The following MTX2 variants were observed in gnomAD, a reference collection of about 807,000 sequenced individuals.
MTX2 encodes metaxin-2.
In MTX2, 35 loss-of-function variants were observed where a neutral mutation model predicts 42.3. That is an observed-to-expected ratio of 0.83 (90% CI 0.63 to 1.10). MTX2 has a LOEUF of 1.10. Ranked by LOEUF, MTX2 falls within the 50% of genes least tolerant of loss-of-function variation. The pLI, the probability that MTX2 is intolerant of heterozygous loss-of-function variation, is 0.00. For synonymous variants in MTX2, 119 were observed against 100.9 expected, an observed-to-expected ratio of 1.18 and a Z score of -1.08; for missense variants, 307 against 304.1, an observed-to-expected ratio of 1.01 and a Z score of -0.07.
chr2:176,288,704 AT>A (rs1053161210), intron 1 of MTX2, among the ~76,000 whole-genome samples: 4 of 151,848 alleles, frequency 2.6e-5, no homozygotes, highest in African/African-American at 9.7e-5. Flanking sequence ...TGGATTGGAA[AT>A]ATGACAGAAC....
chr2:176,330,301 G>C (rs1684829176), intron 8 of MTX2, among the ~76,000 whole-genome samples: 1 of 149,342 alleles, frequency 6.7e-6, no homozygotes, highest in African/African-American at 2.4e-5. Flanking sequence ...GACATTCACT[G>C]AGAATTTCTT....
At chr2:176,308,325 C>G (rs1267177909) in intron 3 of MTX2, among the ~76,000 whole-genome samples, 1 of 152,026 alleles carries the variant, frequency 6.6e-6, no homozygotes, top group African/African-American at 2.4e-5. Flanking sequence ...TGAGGATTTT[C>G]GCATTGATGT....
At chr2:176,292,931 T>A (rs940923505) in intron 1 of MTX2, among the ~76,000 whole-genome samples, 1 of 152,214 alleles carries the variant, frequency 6.6e-6, no homozygotes, top group Non-Finnish European at 1.5e-5. Context: ...CATTGCTGTG[T>A]TGGTATGTGT....
At chr2:176,329,840 C>G (rs548772043) in intron 8 of MTX2, among the ~76,000 whole-genome samples, 1 of 148,436 alleles carries the variant, frequency 6.7e-6, no homozygotes, top group South Asian at 2.1e-4. Flanking sequence ...TCTGCAGCAT[C>G]AGGGCTTAAA....
At chr2:176,334,023 A>T (rs1177096077) in intron 9 of MTX2, among the ~76,000 whole-genome samples, 1 of 151,744 alleles carries the variant, frequency 6.6e-6, no homozygotes, top group Non-Finnish European at 1.5e-5. Flanking sequence ...GTTGAATTCT[A>T]CTTCTGTTGA....
intron 1 of MTX2, among the ~76,000 whole-genome samples, chr2:176,284,753 A>T (rs1575035257): frequency 6.6e-6 from 1 of 152,242 alleles, no homozygotes; most frequent in East Asian, 1.9e-4. Context: ...TAATCTACAC[A>T]CATCCTTACT....
chr2:176,323,518 G>C, intron 4 of MTX2, 54 bp downstream of exon 4: 1 of 1,486,292 alleles, frequency 6.7e-7, no homozygotes, highest in Non-Finnish European at 9.3e-7. Context: ...TAAAATTATA[G>C]TGATAGTCCA....
In MTX2 at chr2:176,269,759, C is replaced by A. The variant is rs1575026398; in HGVS notation, c.40+90C>A. 9 of 1,419,456 alleles carry A rather than the reference C, an allele frequency of 6.3e-6. No homozygotes were observed. In the East Asian group the frequency reaches 1.9e-4, roughly 30 times the overall value. The allele number at this position is 1,419,456 out of a possible 1,614,324, so 87.9% of individuals were successfully genotyped here. On this transcript the variant is annotated intron_variant, in intron 1 of 9. Transcript: ENST00000249442. ...GGGCTGGAGCTTTCCTCCAGCCTTG[C>A]GGCATTATACGCTGAACCCGGCCCG...
intron 3 of MTX2, among the ~76,000 whole-genome samples, chr2:176,305,971 T>C (rs147744427): frequency 7.3e-4 from 111 of 152,264 alleles, no homozygotes; most frequent in African/African-American, 2.4e-3. Flanking sequence ...TGTGCAGGTT[T>C]GATACATAGG....
chr2:176,275,705 A>G (rs1692930952), intron 1 of MTX2, among the ~76,000 whole-genome samples: 1 of 152,000 alleles, frequency 6.6e-6, no homozygotes, highest in Admixed American at 6.6e-5. Context: ...GGTTATGAAT[A>G]TATCATAGGG....
chr2:176,313,321 G>A (rs1684359146), intron 3 of MTX2, among the ~76,000 whole-genome samples: 1 of 151,218 alleles, frequency 6.6e-6, no homozygotes, highest in Non-Finnish European at 1.5e-5. Flanking sequence ...ACAGTTCCCA[G>A]GATTCTACCC....
chr2:176,296,939 G>T, intron 2 of MTX2, 32 bp downstream of exon 2: 1 of 1,583,162 alleles, frequency 6.3e-7, no homozygotes, highest in Non-Finnish European at 8.7e-7. Flanking sequence ...AAATGGCTTT[G>T]TATCAAACTA....
chr2:176,275,361 C>T (rs1011424762), intron 1 of MTX2, among the ~76,000 whole-genome samples: 1 of 151,886 alleles, frequency 6.6e-6, no homozygotes, highest in African/African-American at 2.4e-5. Context: ...GCCTCAGCCT[C>T]TTGAGTAGCT....
chr2:176,328,441 A>G (rs934659186), intron 6 of MTX2, 56 bp downstream of exon 6: 1 of 1,144,198 alleles, frequency 8.7e-7, no homozygotes, highest in African/African-American at 1.6e-5. Context: ...TTCTCATAAA[A>G]TATAATCTTT....
intron 1 of MTX2, among the ~76,000 whole-genome samples, chr2:176,288,300 T>TG (rs1381033917): frequency 5.9e-5 from 9 of 152,088 alleles, no homozygotes; most frequent in Admixed American, 5.2e-4. Context: ...CTTCATATAT[T>TG]GCCTAAAACT....
chr2:176,287,822 A>G lies in MTX2; in HGVS notation c.41-9038A>G, dbSNP rs557299731. On this transcript the variant is annotated intron_variant, in intron 1 of 9. Transcript: ENST00000249442. ...TTTCTATTTTAATTGAAGGTAGTCTATATCTTTGTATCTACACCTGCTTGC... is the reference window on the plus strand; with the variant it reads ...TTTCTATTTTAATTGAAGGTAGTCTGTATCTTTGTATCTACACCTGCTTGC... Among the ~76,000 whole-genome samples the G allele has an allele frequency of 2.2e-3, 334 of 149,870 alleles. 3 individuals are homozygous for G. The highest frequency in any genetic ancestry group is 7.9e-3 in the African/African-American group (324 of 40,952).
At chr2:176,272,342 A>G (rs1334431742) in intron 1 of MTX2, among the ~76,000 whole-genome samples, 6 of 152,174 alleles carry the variant, frequency 3.9e-5, no homozygotes, top group African/African-American at 1.2e-4. Flanking sequence ...TTAGTGATCT[A>G]TTGCACTGCA....
chr2:176,274,694 C>T (rs752646521), intron 1 of MTX2, among the ~76,000 whole-genome samples: 1 of 152,160 alleles, frequency 6.6e-6, no homozygotes, highest in African/African-American at 2.4e-5. Flanking sequence ...ACTGGCAAGA[C>T]CAGGTACTAC....
chr2:176,297,617 A>G (rs532310788), intron 2 of MTX2, among the ~76,000 whole-genome samples: 2 of 152,282 alleles, frequency 1.3e-5, no homozygotes, highest in African/African-American at 4.8e-5. Flanking sequence ...TTAAGTAAAC[A>G]ATTTTAATTA....
Sources: gnomAD v4.1 joint callset for allele counts (sites outside exome capture counted in the v4.1 genomes callset) on GRCh38, gnomAD v4.1.1 for gene constraint, MANE v1.5 for transcripts, NCBI Gene and HGNC (gene_info 2026-07-23, HGNC 2026-07-21) for gene names.